PAWR: variants seen among roughly 807,000 people sequenced by gnomAD.
The protein encoded by PAWR is PRKC apoptosis WT1 regulator protein.
A neutral mutation model predicts 32.0 loss-of-function variants in PAWR; 23 were observed. The observed-to-expected ratio is 0.72, with a 90% CI of 0.52 to 1.02. The LOEUF is 1.02. Among genes scored for constraint, PAWR ranks in the 50% least tolerant of loss-of-function variants. The probability of loss-of-function intolerance (pLI) is 0.00; values close to 1 mark genes in which losing one functional copy is unlikely to be tolerated. For missense variants in PAWR, 457 were observed against 437.7 expected, an observed-to-expected ratio of 1.04 and a Z score of -0.39; for synonymous variants, 226 against 187.1, an observed-to-expected ratio of 1.21 and a Z score of -1.70.
intron 2 of PAWR, 98 bp downstream of exon 2, chr12:79,689,631 G>A (rs1357496525): frequency 1.5e-6 from 2 of 1,331,266 alleles, no homozygotes; most frequent in South Asian, 1.4e-5. Flanking sequence ...CGAGCCAGGG[G>A]AGGTAAACTC....
chr12:79,602,378 G>A (rs1347661020), intron 4 of PAWR, among the ~76,000 whole-genome samples: 1 of 152,170 alleles, frequency 6.6e-6, no homozygotes, highest in African/African-American at 2.4e-5. Flanking sequence ...AGCCATTAAA[G>A]CAGAGAAAGT....
intron 2 of PAWR, among the ~76,000 whole-genome samples, chr12:79,639,911 C>CATTCCATTCCATTCCATTCT (rs1566014452): frequency 8.7e-5 from 9 of 102,860 alleles, no homozygotes; most frequent in Middle Eastern, 4.6e-3. Flanking sequence ...CATTCCATTC[C>CATTCCATTCCATTCCATTCT]ATTCTATTCT....
intron 4 of PAWR, among the ~76,000 whole-genome samples, chr12:79,601,361 A>G (rs1478396230): frequency 1.3e-5 from 2 of 151,880 alleles, no homozygotes; most frequent in Non-Finnish European, 2.9e-5. Context: ...ATGTGCGACC[A>G]TGCCCGCTAA....
At chr12:79,679,030 T>C (rs1343647714) in intron 2 of PAWR, among the ~76,000 whole-genome samples, 2 of 152,148 alleles carry the variant, frequency 1.3e-5, no homozygotes, top group African/African-American at 4.8e-5. Context: ...CCCAATCTGC[T>C]GAGATAACAG....
Position 79,639,881 on chromosome 12 carries a change from T to TATTCCATTCCATTCCATTCCATTCC in PAWR, c.517-18699_517-18675dup, listed in dbSNP as rs71091678. Among the ~76,000 whole-genome samples the TATTCCATTCCATTCCATTCCATTCC allele has an allele frequency of 6.4e-4, 72 of 112,486 alleles. 1 individual carries two copies. Among genetic ancestry groups the TATTCCATTCCATTCCATTCCATTCC allele is most frequent in the African/African-American group, 3.4e-3 (68 of 19,734 alleles). The allele number at this position is 112,486 out of a possible 152,430, so 73.8% of individuals were successfully genotyped here. On this transcript the variant is annotated intron_variant, in intron 2 of 6. Transcript: ENST00000328827. The stretch of plus-strand genomic sequence containing the variant: ...CTATTCCTATTCCTATTCCTATTCC[T>TATTCCATTCCATTCCATTCCATTCC]ATTCCATTCCATTCCATTCCATTCC...
chr12:79,629,455 C>T (rs904423157), intron 2 of PAWR, among the ~76,000 whole-genome samples: 1 of 151,884 alleles, frequency 6.6e-6, no homozygotes, highest in African/African-American at 2.4e-5. Context: ...AAAATGTAGT[C>T]ACCAAATAAA....
chr12:79,608,565 G>T (rs1226007328), intron 4 of PAWR, among the ~76,000 whole-genome samples: 9 of 152,176 alleles, frequency 5.9e-5, no homozygotes, highest in Non-Finnish European at 1.2e-4. Flanking sequence ...CACCCTGAGG[G>T]GTGGGGACCC....
chr12:79,670,165 T>C (rs1877821726), intron 2 of PAWR, among the ~76,000 whole-genome samples: 1 of 152,212 alleles, frequency 6.6e-6, no homozygotes, highest in African/African-American at 2.4e-5. Flanking sequence ...TCTATTGTTT[T>C]TCCCCCATTT....
rs371158247 is a variant in PAWR, at chr12:79,682,314, G to GC, written c.516+7414dup. On this transcript the variant is annotated intron_variant, in intron 2 of 6. Coordinates refer to ENST00000328827, the MANE Select transcript of PAWR (RefSeq NM_002583.4). Reference sequence around the variant, plus strand: ...TTAGAGGTGTGAGCTATGGCACCTGGCCCCACAGAATTTATTATGAAGAGC... The same window carrying GC: ...TTAGAGGTGTGAGCTATGGCACCTGGCCCCCACAGAATTTATTATGAAGAGC... Among the ~76,000 whole-genome samples, 733 of 152,112 alleles carry GC rather than the reference G, an allele frequency of 4.8e-3. 7 individuals carry two copies. The highest frequency in any genetic ancestry group is 0.017 in the African/African-American group (697 of 41,482).
intron 2 of PAWR, among the ~76,000 whole-genome samples, chr12:79,670,868 T>G (rs1001758968): frequency 2.5e-4 from 38 of 151,038 alleles, no homozygotes; most frequent in Non-Finnish European, 2.9e-5. Context: ...TGCCACTTTT[T>G]TTTTAGGGGT....
chr12:79,666,166 C>T (rs1037117104), intron 2 of PAWR, among the ~76,000 whole-genome samples: 11 of 152,120 alleles, frequency 7.2e-5, no homozygotes, highest in African/African-American at 1.4e-4. Context: ...TAAGTGGAGG[C>T]GGTTTCAATT....
At chr12:79,677,572 T>C (rs2136871065) in intron 2 of PAWR, among the ~76,000 whole-genome samples, 1 of 152,312 alleles carries the variant, frequency 6.6e-6, no homozygotes, top group East Asian at 1.9e-4. Flanking sequence ...ATTTGTTAAA[T>C]TTATAAGTAA....
chr12:79,634,602 G>A (rs1331096742), intron 2 of PAWR, among the ~76,000 whole-genome samples: 1 of 152,110 alleles, frequency 6.6e-6, no homozygotes, highest in Non-Finnish European at 1.5e-5. Flanking sequence ...CAACTGCCAG[G>A]TGTAACTATT....
Position 79,591,521 on chromosome 12 carries a change from A to G in PAWR, c.*1086T>C, listed in dbSNP as rs918849305. The G allele has an allele frequency of 2.6e-5, 4 of 152,152 alleles. No individual in the cohort carries two copies. Among genetic ancestry groups the G allele is most frequent in the Non-Finnish European group, 4.4e-5 (3 of 68,010 alleles). The allele number at this position is 152,152 out of a possible 1,614,324, so 9.4% of individuals were successfully genotyped here. ...TACAAAAACAATTCTAAATAATAATATTTAATAGAAGAAAAAATCTGTATA... is the reference window on the plus strand; with the variant it reads ...TACAAAAACAATTCTAAATAATAATGTTTAATAGAAGAAAAAATCTGTATA... On this transcript the variant is annotated 3_prime_UTR_variant, in exon 7 of 7. Transcript: ENST00000328827.
chr12:79,658,986 A>G (rs997060739), intron 2 of PAWR, among the ~76,000 whole-genome samples: 1 of 151,878 alleles, frequency 6.6e-6, no homozygotes, highest in Non-Finnish European at 1.5e-5. Context: ...AAAAAAAAAA[A>G]AAGAAAAAGA....
chr12:79,630,369 G>T (rs768879063), intron 2 of PAWR, among the ~76,000 whole-genome samples: 3 of 151,350 alleles, frequency 2.0e-5, no homozygotes, highest in Non-Finnish European at 2.9e-5. Context: ...GTGTAATCTC[G>T]GCTCACTGCA....
intron 2 of PAWR, among the ~76,000 whole-genome samples, chr12:79,685,125 T>A (rs528778741): frequency 6.6e-6 from 1 of 152,326 alleles, no homozygotes; most frequent in East Asian, 1.9e-4. Context: ...ACATCCCAGC[T>A]CAGACAACTC....
chr12:79,616,042 G>A (rs1874715958), intron 3 of PAWR, among the ~76,000 whole-genome samples: 1 of 135,930 alleles, frequency 7.4e-6, no homozygotes, highest in South Asian at 2.3e-4. Context: ...GTGCAACAGA[G>A]CAAGACCCTG....
intron 4 of PAWR, among the ~76,000 whole-genome samples, chr12:79,598,488 C>CTGGT (rs1873842971): frequency 6.6e-6 from 1 of 152,162 alleles, no homozygotes; most frequent in African/African-American, 2.4e-5. Flanking sequence ...CCTTCACTGA[C>CTGGT]TGGTATCCAT....
Sources: gnomAD v4.1 joint callset for allele counts (sites outside exome capture counted in the v4.1 genomes callset) on GRCh38, gnomAD v4.1.1 for gene constraint, MANE v1.5 for transcripts, NCBI Gene and HGNC (gene_info 2026-07-23, HGNC 2026-07-21) for gene names.